The following RSPH10B variants were observed in gnomAD, a reference collection of about 807,000 sequenced individuals.
RSPH10B encodes radial spoke head 10 homolog B.
In RSPH10B, 7 loss-of-function variants were observed where a neutral mutation model predicts 52.5. That is an observed-to-expected ratio of 0.13 (90% CI 0.08 to 0.25). The LOEUF (loss-of-function observed/expected upper bound fraction) is 0.25, where lower values mean the gene tolerates loss of function less well. Ranked by LOEUF, RSPH10B falls within the 10% of genes least tolerant of loss-of-function variation. RSPH10B has a pLI of 1.00. For synonymous variants in RSPH10B, 28 were observed against 193.2 expected (o/e 0.14, Z 7.09); for missense variants, 89 against 542.5 (o/e 0.16, Z 8.30).
chr7:5,927,633 T>C (rs1171379596), intron 18 of RSPH10B, among the ~76,000 whole-genome samples: 12 of 144,116 alleles, frequency 8.3e-5, no homozygotes, highest in Non-Finnish European at 1.3e-4. Flanking sequence ...TTTTGAACTC[T>C]TGGGTCAAGA....
At chr7:5,959,898 G>A (rs1234599949) in intron 4 of RSPH10B, among the ~76,000 whole-genome samples, 1 of 2,814 alleles carries the variant, frequency 3.6e-4, no homozygotes, top group African/African-American at 4.7e-3. Context: ...CTTTTTCACA[G>A]GTTTATCTGT....
At position 5,942,927 on chromosome 7, in the gene RSPH10B, T is replaced by TATA. The variant is rs1491309798; in HGVS notation, c.1758+396_1758+397insTAT. ...ATATATTTATTTATATATATATATA[T>TATA]TTTTTTTTAAGACAATGGCCCATGG... On this transcript the variant is annotated intron_variant, in intron 13 of 18. Transcript: ENST00000337579. 4.0e-4 allele frequency among the ~76,000 whole-genome samples: 11 copies of TATA among 27,346 alleles called. 1 individual carries two copies. The South Asian group carries it at 0.011, about 27-fold the overall frequency. The allele number at this position is 27,346 out of a possible 152,430, so 17.9% of individuals were successfully genotyped here. A position where few individuals can be genotyped will look rare whatever the true frequency, so the allele number is the denominator to read the frequency against.
rs557928985 is a variant in RSPH10B, at chr7:5,937,331, G to A, written c.2010+427C>T. ...ATTACTTTCTGGAAGGGTTAGTAAA[G>A]CCAAGATAGTTTTGATGATGGTTTA... On this transcript the variant is annotated intron_variant, in intron 15 of 18. Transcript: ENST00000337579. Among the ~76,000 whole-genome samples the A allele has an allele frequency of 2.1e-5, 3 of 141,638 alleles. No homozygotes were observed. The South Asian group carries it at 6.5e-4, about 31-fold the overall frequency. The allele number at this position is 141,638 out of a possible 152,430, so 92.9% of individuals were successfully genotyped here.
intron 18 of RSPH10B, among the ~76,000 whole-genome samples, chr7:5,927,839 G>A (rs1470612243): frequency 5.5e-5 from 8 of 146,456 alleles, no homozygotes; most frequent in Admixed American, 2.7e-4. Flanking sequence ...GGGAGGCTGA[G>A]GCAAGAGAAT....
intron 13 of RSPH10B, among the ~76,000 whole-genome samples, chr7:5,943,013 A>T (rs2528297): frequency 6.8e-6 from 1 of 146,738 alleles, no homozygotes; most frequent in East Asian, 2.0e-4. Context: ...TGATCCGCCC[A>T]CCTCGGCCTC....
chr7:5,938,087 ATATAT>A lies in RSPH10B; in HGVS notation c.1867-191_1867-187del, dbSNP rs1780018084. ...CACACACGCACAGACACGCACACAC[ATATAT>A]TAGGTACTTGTGTTCAGAGTGCTTT... On this transcript the variant is annotated intron_variant, in intron 14 of 18. Coordinates refer to ENST00000337579, the Ensembl canonical transcript of RSPH10B. Among the ~76,000 whole-genome samples the A allele has an allele frequency of 3.2e-5, 4 of 125,624 alleles. No homozygotes were observed. In the South Asian group the frequency reaches 9.2e-4, roughly 29 times the overall value. The allele number at this position is 125,624 out of a possible 152,430, so 82.4% of individuals were successfully genotyped here.
chr7:5,938,044 AAG>A lies in RSPH10B; in HGVS notation c.1867-145_1867-144del, dbSNP rs2128626034. 7.7e-6 allele frequency: 6 copies of A among 778,110 alleles called. 3 individuals carry two copies. Among genetic ancestry groups the A allele is most frequent in the Non-Finnish European group, 1.3e-5 (6 of 455,378 alleles). 48.2% of individuals were successfully genotyped at this position (778,110 alleles called of 1,614,324 possible). On this transcript the variant is annotated intron_variant, in intron 14 of 18. Transcript: ENST00000337579. ...ACACAGACATGCAGACACGTGCACAAAGACACACACACATGCACACACACGCA... is the reference window on the plus strand; with the variant it reads ...ACACAGACATGCAGACACGTGCACAAACACACACACATGCACACACACGCA...
chr7:5,944,324 G>A (rs2128631361), intron 11 of RSPH10B, among the ~76,000 whole-genome samples: 1 of 150,966 alleles, frequency 6.6e-6, no homozygotes, highest in South Asian at 2.1e-4. Flanking sequence ...CTGGAACCTG[G>A]GAGGTGGAGG....
Position 5,944,397 on chromosome 7 carries a change from CAAA to C in RSPH10B, c.1530-410_1530-408del, listed in dbSNP as rs982312415. Reference sequence around the variant, plus strand: ...TGGGTGACAGAGCGAGATTCCATCTCAAAAAAATAAATATATAAATAAAAGTTT... The same window carrying C: ...TGGGTGACAGAGCGAGATTCCATCTCAAAATAAATATATAAATAAAAGTTT... On this transcript the variant is annotated intron_variant, in intron 11 of 18. Coordinates refer to ENST00000337579, the Ensembl canonical transcript of RSPH10B. Among the ~76,000 whole-genome samples the C allele has an allele frequency of 1.3e-5, 2 of 150,120 alleles. 1 individual carries two copies. The highest frequency in any genetic ancestry group is 5.0e-5 in the African/African-American group (2 of 40,366).
chr7:5,947,975 G>A (rs1290987545), intron 10 of RSPH10B, among the ~76,000 whole-genome samples: 4 of 37,182 alleles, frequency 1.1e-4, no homozygotes, highest in African/African-American at 2.3e-4. Context: ...GGGTCCAAGC[G>A]ATTCTCCTGC....
intron 6 of RSPH10B, among the ~76,000 whole-genome samples, chr7:5,956,755 G>A (rs1239185380): frequency 7.4e-6 from 1 of 134,978 alleles, no homozygotes; most frequent in Non-Finnish European, 1.6e-5. Flanking sequence ...TTTTAGTAGA[G>A]ATGGGGTTTC....
chr7:5,927,860 C>T (rs1252761764), intron 18 of RSPH10B, among the ~76,000 whole-genome samples: 3 of 146,872 alleles, frequency 2.0e-5, no homozygotes, highest in Non-Finnish European at 4.5e-5. Flanking sequence ...CGCTTGAACC[C>T]GGGAGGCGGA....
intron 17 of RSPH10B, among the ~76,000 whole-genome samples, chr7:5,929,419 C>A (rs1453609592): frequency 9.5e-6 from 1 of 104,848 alleles, no homozygotes; most frequent in Non-Finnish European, 1.9e-5. Flanking sequence ...CCTCCCATCT[C>A]GGCCTCCCAA....
At chr7:5,968,499 G>GTTTATTTA (rs547046490), upstream of RSPH10B, among the ~76,000 whole-genome samples, 15 of 79,572 alleles carry the variant, frequency 1.9e-4, no homozygotes, top group Middle Eastern at 5.0e-3. Flanking sequence ...CTATGGGTTT[G>GTTTATTTA]TTTATTTATT....
At chr7:5,964,898 G>GC (rs1781055839) in intron 2 of RSPH10B, among the ~76,000 whole-genome samples, 2 of 144,574 alleles carry the variant, frequency 1.4e-5, no homozygotes, top group African/African-American at 5.0e-5. Flanking sequence ...ATAGGCATGA[G>GC]CCACCGCGCC....
At chr7:5,932,566 GTGTGGTGA>G (rs934917120) in intron 17 of RSPH10B, among the ~76,000 whole-genome samples, 3 of 145,460 alleles carry the variant, frequency 2.1e-5, no homozygotes, top group Non-Finnish European at 4.6e-5. Flanking sequence ...GTTGTGCTGG[GTGTGGTGA>G]TGCCTGCTTG....
intron 17 of RSPH10B, among the ~76,000 whole-genome samples, chr7:5,932,289 T>G: frequency 8.5e-6 from 1 of 117,370 alleles, no homozygotes; most frequent in African/African-American, 3.3e-5. Context: ...TGAATAAGGG[T>G]TGTGTGTTGT....
At chr7:5,929,071 T>G (rs1398497022) in intron 17 of RSPH10B, among the ~76,000 whole-genome samples, 2 of 146,540 alleles carry the variant, frequency 1.4e-5, no homozygotes, top group Admixed American at 1.4e-4. Flanking sequence ...TGCAGTGGCA[T>G]GACCATGGCT....
intron 13 of RSPH10B, among the ~76,000 whole-genome samples, chr7:5,942,683 G>A (rs1202713669): frequency 6.7e-6 from 1 of 149,860 alleles, no homozygotes; most frequent in East Asian, 2.0e-4. Flanking sequence ...GCAACATGGT[G>A]AACACCCGTC....
Sources: gnomAD v4.1 joint callset for allele counts (sites outside exome capture counted in the v4.1 genomes callset) on GRCh38, gnomAD v4.1.1 for gene constraint, MANE v1.5 for transcripts, NCBI Gene and HGNC (gene_info 2026-07-23, HGNC 2026-07-21) for gene names.